TMEM117: variants seen among roughly 807,000 people sequenced by gnomAD.
TMEM117 encodes the protein transmembrane protein 117.
A neutral mutation model predicts 52.4 loss-of-function variants in TMEM117; 27 were observed. That is an observed-to-expected ratio of 0.51 (90% CI 0.38 to 0.71). The LOEUF (loss-of-function observed/expected upper bound fraction) is 0.71. Among genes scored for constraint, TMEM117 ranks in the 30% least tolerant of loss-of-function variants. The pLI is 0.00. For missense variants in TMEM117, 556 were observed against 630.5 expected (o/e 0.88, Z 1.26); for synonymous variants, 215 against 206.3 (o/e 1.04, Z -0.36).
chr12:44,143,663 CG>C (rs778726390), intron 4 of TMEM117, 39 bp downstream of exon 4: 1 of 1,451,750 alleles, frequency 6.9e-7, no homozygotes, highest in Non-Finnish European at 9.6e-7. Flanking sequence ...AAACATCAAA[CG>C]GAAGACATGT....
Position 44,141,255 on chromosome 12 carries a change from T to A in TMEM117, c.411-2270T>A, listed in dbSNP as rs1049923360. ...TTGCATTTTTAAAAAACTTTTAAGTTCAGGAGTACATGTGCAGTTTTGCTA... is the reference window on the plus strand; with the variant it reads ...TTGCATTTTTAAAAAACTTTTAAGTACAGGAGTACATGTGCAGTTTTGCTA... On this transcript the variant is annotated intron_variant, in intron 3 of 7. Transcript: ENST00000266534. Among the ~76,000 whole-genome samples the A allele has an allele frequency of 4.6e-5, 7 of 152,244 alleles. 1 individual carries two copies. The highest frequency in any genetic ancestry group is 1.7e-4 in the African/African-American group (7 of 41,556).
intron 6 of TMEM117, among the ~76,000 whole-genome samples, chr12:44,370,117 G>T (rs529085748): frequency 6.6e-5 from 10 of 152,024 alleles, no homozygotes; most frequent in Non-Finnish European, 1.3e-4. Flanking sequence ...CTCTTTCCTT[G>T]TTCTCTCACT....
At chr12:44,163,837 A>T (rs1355313488) in intron 4 of TMEM117, among the ~76,000 whole-genome samples, 1 of 152,252 alleles carries the variant, frequency 6.6e-6, no homozygotes, top group East Asian at 1.9e-4. Flanking sequence ...ACAAACATTG[A>T]ACCTGCTAAT....
intron 3 of TMEM117, among the ~76,000 whole-genome samples, chr12:43,951,986 C>T (rs1737325712): frequency 6.6e-6 from 1 of 152,166 alleles, no homozygotes; most frequent in Non-Finnish European, 1.5e-5. Flanking sequence ...CTGGTGATAA[C>T]CCAGGCGAAC....
At chr12:44,104,419 T>A (rs1446349312) in intron 3 of TMEM117, among the ~76,000 whole-genome samples, 1 of 151,954 alleles carries the variant, frequency 6.6e-6, no homozygotes, top group Non-Finnish European at 1.5e-5. Context: ...TTAGGGTTTT[T>A]TTTCCTGTCA....
intron 2 of TMEM117, among the ~76,000 whole-genome samples, chr12:43,862,317 C>T (rs866289230): frequency 5.3e-5 from 8 of 152,152 alleles, no homozygotes; most frequent in South Asian, 4.1e-4. Context: ...TACAGGCGCC[C>T]GCCACCATGC....
At chr12:44,301,470 C>T (rs755065246) in intron 6 of TMEM117, among the ~76,000 whole-genome samples, 20 of 152,012 alleles carry the variant, frequency 1.3e-4, no homozygotes, top group South Asian at 2.1e-4. Flanking sequence ...AAATGACCGA[C>T]GATGAAGAGT....
chr12:44,120,039 A>AAG (rs1344708435), intron 3 of TMEM117, among the ~76,000 whole-genome samples: 1 of 152,088 alleles, frequency 6.6e-6, no homozygotes, highest in Non-Finnish European at 1.5e-5. Context: ...TTAGGCCTTG[A>AAG]AGAGAGAGAG....
chr12:44,337,580 C>A lies in TMEM117; in HGVS notation c.768+37841C>A, dbSNP rs187538976. Reference sequence around the variant, plus strand: ...CACGCCCTTCATCCTTCAGGGACATCTTTCCAATAGACTGACAATCTGACT... The same window carrying A: ...CACGCCCTTCATCCTTCAGGGACATATTTCCAATAGACTGACAATCTGACT... On this transcript the variant is annotated intron_variant, in intron 6 of 7. Transcript: ENST00000266534. Among the ~76,000 whole-genome samples the A allele has an allele frequency of 1.7e-3, 251 of 152,038 alleles. 2 individuals carry two copies. Among genetic ancestry groups the A allele is most frequent in the African/African-American group, 5.8e-3 (242 of 41,502 alleles).
chr12:44,385,543 T>A (rs1287827443), intron 7 of TMEM117, among the ~76,000 whole-genome samples: 1 of 152,070 alleles, frequency 6.6e-6, no homozygotes, highest in Non-Finnish European at 1.5e-5. Context: ...AAGGCTGCAG[T>A]GAGCTATAAT....
At chr12:44,038,282 G>A (rs1401480525) in intron 3 of TMEM117, among the ~76,000 whole-genome samples, 2 of 152,106 alleles carry the variant, frequency 1.3e-5, no homozygotes, top group East Asian at 3.9e-4. Flanking sequence ...CACCAAGCCA[G>A]GGCTGTGACA....
At chr12:44,309,843 T>G (rs1049880355) in intron 6 of TMEM117, among the ~76,000 whole-genome samples, 3 of 151,778 alleles carry the variant, frequency 2.0e-5, no homozygotes, top group African/African-American at 7.3e-5. Flanking sequence ...CTTGTTTTAC[T>G]GTTGTGCATA....
intron 5 of TMEM117, among the ~76,000 whole-genome samples, chr12:44,293,457 C>A (rs1310095205): frequency 6.6e-6 from 1 of 151,994 alleles, no homozygotes; most frequent in Non-Finnish European, 1.5e-5. Flanking sequence ...AGACTTATGA[C>A]TTCCACTTTT....
At chr12:44,340,425 A>G (rs1951401171) in intron 6 of TMEM117, among the ~76,000 whole-genome samples, 2 of 152,118 alleles carry the variant, frequency 1.3e-5, no homozygotes, top group South Asian at 4.1e-4. Flanking sequence ...GTTTATAAAC[A>G]CTGTGATTTG....
chr12:44,187,974 A>G (rs935120659), intron 4 of TMEM117, among the ~76,000 whole-genome samples: 1 of 152,174 alleles, frequency 6.6e-6, no homozygotes, highest in African/African-American at 2.4e-5. Flanking sequence ...GGCTCTGAGA[A>G]TGGATTAAGA....
chr12:44,355,516 G>A (rs1186365815), intron 6 of TMEM117, among the ~76,000 whole-genome samples: 1 of 151,952 alleles, frequency 6.6e-6, no homozygotes, highest in Admixed American at 6.6e-5. Flanking sequence ...TTTGCATGAC[G>A]GACTGAAGAG....
At chr12:44,188,058 C>T (rs1039918697) in intron 4 of TMEM117, among the ~76,000 whole-genome samples, 1 of 152,012 alleles carries the variant, frequency 6.6e-6, no homozygotes, top group African/African-American at 2.4e-5. Context: ...ATATAAAATA[C>T]AATAAAATAG....
At chr12:44,058,799 C>G (rs894933043) in intron 3 of TMEM117, among the ~76,000 whole-genome samples, 2 of 152,134 alleles carry the variant, frequency 1.3e-5, no homozygotes, top group Admixed American at 6.5e-5. Flanking sequence ...TGTCAAAGTA[C>G]TTTGTACATT....
At chr12:44,275,931 A>G (rs1420560942) in intron 5 of TMEM117, among the ~76,000 whole-genome samples, 1 of 152,190 alleles carries the variant, frequency 6.6e-6, no homozygotes, top group Non-Finnish European at 1.5e-5. Flanking sequence ...ATATTTAAAA[A>G]TAACTAAAAT....
Sources: gnomAD v4.1 joint callset for allele counts (sites outside exome capture counted in the v4.1 genomes callset) on GRCh38, gnomAD v4.1.1 for gene constraint, MANE v1.5 for transcripts, NCBI Gene and HGNC (gene_info 2026-07-23, HGNC 2026-07-21) for gene names.